The following DENND4B variants were observed in gnomAD, a reference collection of about 807,000 sequenced individuals.
DENND4B encodes the protein DENN domain-containing protein 4B.
In DENND4B, 67 loss-of-function variants were observed where a neutral mutation model predicts 161.0. That is an observed-to-expected ratio of 0.42 (90% confidence interval 0.34 to 0.51). The LOEUF (loss-of-function observed/expected upper bound fraction) is 0.51, where lower values mean the gene tolerates loss of function less well. Ranked by LOEUF, DENND4B falls within the 20% of genes least tolerant of loss-of-function variation. The pLI is 0.08. For synonymous variants in DENND4B, 753 were observed against 813.8 expected, an observed-to-expected ratio of 0.93 and a Z score of 1.27; for missense variants, 1,481 against 1,968.0, an observed-to-expected ratio of 0.75 and a Z score of 4.68.
chr1:153,941,319 G>A (rs1389092329), intron 7 of DENND4B, 30 bp from the exon 8 acceptor site: 1 of 1,613,724 alleles, frequency 6.2e-7, no homozygotes, highest in African/African-American at 1.3e-5. Context: ...ACGGCTCAGG[G>A]TAATGATGCC....
At chr1:153,941,772 C>CCGGGGGGGG in intron 6 of DENND4B, 97 bp downstream of exon 6, 1 of 1,464,444 alleles carries the variant, frequency 6.8e-7, no homozygotes, top group Non-Finnish European at 9.3e-7. Flanking sequence ...TACCCTGTGC[C>CCGGGGGGGG]CAGCCCTCCC....
rs374878240 is a variant in DENND4B, at chr1:153,944,174, G to A, written c.201C>T (p.Cys67=). Residue 67 remains cysteine (C), a synonymous_variant, in exon 2 of 28, where the codon TGC becomes TGT. Coordinates refer to ENST00000361217, the MANE Select transcript of DENND4B (RefSeq NM_014856.3). This position sits in a 1 kb window ranked among gnomAD's most constrained non-coding sequence, Gnocchi z 4.8. The part of the protein sequence containing the change: ...LGEEVPQGYT[C]IQASAGGHPL... ...GGTGGCCCCCAGCAGAAGCCTGGAT[G>A]CATGTGTAGCCCTGGGGCACTTCCT... The A allele has an allele frequency of 3.0e-5, 48 of 1,612,936 alleles. No homozygotes were observed. Among genetic ancestry groups the A allele is most frequent in the Non-Finnish European group, 3.8e-5 (45 of 1,179,542 alleles).
Position 153,930,826 on chromosome 1 carries a change from G to A in DENND4B, c.4146C>T (p.Gly1382=). ...CCAAACTAAGGGATGCAGGTACAGG[G>A]CCTGGCCATACCACCCGCTGGGGGA... The part of the protein sequence containing the change: ...SQIPQRVVWP[G]PVPASLSLAL... Residue 1382 remains glycine (G), a synonymous_variant, in exon 26 of 28, where the codon GGC becomes GGT. Transcript: ENST00000361217. This position sits in a 1 kb window ranked among gnomAD's most constrained non-coding sequence, Gnocchi z 4.7. 1 of 1,602,900 alleles carries A rather than the reference G, an allele frequency of 6.2e-7. No individual in the cohort carries two copies. Among genetic ancestry groups the A allele is most frequent in the Non-Finnish European group, 8.5e-7 (1 of 1,174,742 alleles).
Position 153,937,951 on chromosome 1 carries a change from G to A in DENND4B, c.1966-88C>T. The A allele has an allele frequency of 1.9e-6, 3 of 1,572,054 alleles. No individual in the cohort carries two copies. Among genetic ancestry groups the A allele is most frequent in the Admixed American group, 3.5e-5 (2 of 57,670 alleles). On this transcript the variant is annotated intron_variant, in intron 13 of 27. Coordinates refer to ENST00000361217, the MANE Select transcript of DENND4B (RefSeq NM_014856.3). This position sits in a 1 kb window ranked among gnomAD's most constrained non-coding sequence, Gnocchi z 4.7. Reference sequence around the variant, plus strand: ...CTAGACGATGGCATCTCCCAGGAAAGCTCATCCACAAGGAAAGAGACACAG... The same window carrying A: ...CTAGACGATGGCATCTCCCAGGAAAACTCATCCACAAGGAAAGAGACACAG...
In DENND4B at chr1:153,944,026, C is replaced by T. The variant is rs1679823289; in HGVS notation, c.317+32G>A. On this transcript the variant is annotated intron_variant, in intron 2 of 27. Transcript: ENST00000361217. This position sits in a 1 kb window ranked among gnomAD's most constrained non-coding sequence, Gnocchi z 4.8. The stretch of plus-strand genomic sequence containing the variant: ...GTCTCACTGGAGTCCCTCCCAGCCT[C>T]CCCTGGTGCCAGCATGGGTAGGGGC... 2 of 1,515,736 alleles carry T rather than the reference C, an allele frequency of 1.3e-6. No individual in the cohort carries two copies. The highest frequency in any genetic ancestry group is 1.8e-6 in the Non-Finnish European group (2 of 1,130,164). The allele number at this position is 1,515,736 out of a possible 1,614,324, so 93.9% of individuals were successfully genotyped here.
At chr1:153,935,766 G>A in intron 17 of DENND4B, 1 of 340,138 alleles carries the variant, frequency 2.9e-6, no homozygotes, top group South Asian at 2.7e-5. Context: ...CACCTCATAG[G>A]GCTGTCGTGA....
At position 153,937,737 on chromosome 1, in the gene DENND4B, T is replaced by G. The variant is rs1254016711; in HGVS notation, c.2092A>C (p.Thr698Pro). The change falls in exon 14 of 28, where the codon ACT (threonine) becomes CCT (proline). Residue 698 changes from threonine (T) to proline (P), a missense_variant. Physicochemically the swap from Thr to Pro is conservative, Grantham distance 38 (BLOSUM62 -1). Around this residue, in one of 3 missense-constraint regions of DENND4B, gnomAD observed 806 missense variants for 1,134.4 expected, o/e 0.71. Transcript: ENST00000361217. This position sits in a 1 kb window ranked among gnomAD's most constrained non-coding sequence, Gnocchi z 4.7. ...EPALPEGSES[T>P]PQYCYDGFPE... ...AGAGACTCTCACCAGTACTGGGGAG[T>G]GGATTCACTGCCCTCTGGTAAGGCA... 6.2e-7 allele frequency: 1 copy of G among 1,613,608 alleles called. No individual in the cohort carries two copies. Among genetic ancestry groups the G allele is most frequent in the African/African-American group, 1.3e-5 (1 of 74,822 alleles).
rs1286701686 is a variant in DENND4B, at chr1:153,933,087, C to G, written c.3454-57G>C. 1 of 1,610,480 alleles carries G rather than the reference C, an allele frequency of 6.2e-7. No individual in the cohort carries two copies. Among genetic ancestry groups the G allele is most frequent in the Non-Finnish European group, 8.5e-7 (1 of 1,177,586 alleles). ...TGTCTGGCCGCCAGCACTCTGGAGCCCATGCCCCTTCCCCAGCCCCTCCCA... is the reference window on the plus strand; with the variant it reads ...TGTCTGGCCGCCAGCACTCTGGAGCGCATGCCCCTTCCCCAGCCCCTCCCA... On this transcript the variant is annotated intron_variant, in intron 21 of 27. Coordinates refer to ENST00000361217, the MANE Select transcript of DENND4B (RefSeq NM_014856.3). The surrounding 1 kb of genome is among the most constrained non-coding windows in gnomAD (Gnocchi z 5.7).
In DENND4B at chr1:153,943,047, G is replaced by A. The variant is rs764179759; in HGVS notation, c.401C>T (p.Ala134Val). 5.6e-6 allele frequency: 9 copies of A among 1,613,928 alleles called. No homozygotes were observed. The highest frequency in any genetic ancestry group is 4.4e-5 in the South Asian group (4 of 91,090). The change falls in exon 3 of 28, where the codon GCC (alanine) becomes GTC (valine). Residue 134 changes from alanine to valine, a missense_variant. Physicochemically the swap from Ala to Val is moderately conservative, Grantham distance 64. Transcript: ENST00000361217. ...GCGGGGGTGCCCGGGGCCTGGAGGGGCCAGGTTTGCTGAGTGGCTGTAGGG... is the reference window on the plus strand; with the variant it reads ...GCGGGGGTGCCCGGGGCCTGGAGGGACCAGGTTTGCTGAGTGGCTGTAGGG... ...TTPYSHSANL[A>V]PPGPGHPRTY...
Position 153,932,340 on chromosome 1 carries a change from A to C in DENND4B, c.3860T>G (p.Val1287Gly), listed in dbSNP as rs1571031567. 6.2e-7 allele frequency: 1 copy of C among 1,613,824 alleles called. No homozygotes were observed. Among genetic ancestry groups the C allele is most frequent in the Non-Finnish European group, 8.5e-7 (1 of 1,179,836 alleles). ...ESLVENEGSE[V>G]LALPELPSAH... ...AGAGGGCAGTTCAGGCAACGCCAGCACCTCACTGCCCTCGTTCTCTACCAG... is the reference window on the plus strand; with the variant it reads ...AGAGGGCAGTTCAGGCAACGCCAGCCCCTCACTGCCCTCGTTCTCTACCAG... The change falls in exon 24 of 28, where the codon GTG becomes GGG. Residue 1287 changes from valine (V) to glycine (G), a missense_variant. By Grantham distance (109) the Val-to-Gly change is moderately radical (BLOSUM62 -3). This residue lies in a region of DENND4B where 336 missense variants were observed against 503.3 expected (regional missense o/e 0.67). Coordinates refer to ENST00000361217, the MANE Select transcript of DENND4B (RefSeq NM_014856.3). This position sits in a 1 kb window ranked among gnomAD's most constrained non-coding sequence, Gnocchi z 5.8.
At chr1:153,939,519 T>C in intron 12 of DENND4B, 70 bp downstream of exon 12, 1 of 1,509,220 alleles carries the variant, frequency 6.6e-7, no homozygotes, top group Non-Finnish European at 8.9e-7. Flanking sequence ...CCTCCGCCTT[T>C]CTGACAGAGC....
chr1:153,938,106 T>A (rs1404204498), intron 13 of DENND4B, among the ~76,000 whole-genome samples: 1 of 152,172 alleles, frequency 6.6e-6, no homozygotes, highest in Non-Finnish European at 1.5e-5. Context: ...GATATAGAGT[T>A]GTGTTTACAA....
chr1:153,939,681 C>T lies in DENND4B; in HGVS notation c.1727G>A (p.Cys576Tyr). Residue 576 changes from cysteine (C) to tyrosine (Y), a missense_variant, in exon 12 of 28, where the codon TGT becomes TAT. Physicochemically the swap from Cys to Tyr is radical, Grantham distance 194. Around this residue, in one of 3 missense-constraint regions of DENND4B, gnomAD observed 806 missense variants for 1,134.4 expected, o/e 0.71. Transcript: ENST00000361217. The part of the protein sequence containing the change: ...VQGAFLRFMA[C>Y]LLKGYRVFLR... ...GAAGACCCGGTAGCCCTTGAGCAGA[C>T]AGGCCATGAAGCGGAGGAAGGCTCC... is the stretch of plus-strand genomic sequence containing the variant. The T allele has an allele frequency of 6.2e-7, 1 of 1,613,964 alleles. No individual in the cohort carries two copies. The highest frequency in any genetic ancestry group is 8.5e-7 in the Non-Finnish European group (1 of 1,179,886).
At position 153,936,025 on chromosome 1, in the gene DENND4B, A is replaced by G; in HGVS notation, c.2568+35T>C. 6.2e-7 allele frequency: 1 copy of G among 1,610,556 alleles called. No individual in the cohort carries two copies. The highest frequency in any genetic ancestry group is 8.5e-7 in the Non-Finnish European group (1 of 1,178,262). On this transcript the variant is annotated intron_variant, in intron 17 of 27. Coordinates refer to ENST00000361217, the MANE Select transcript of DENND4B (RefSeq NM_014856.3). This position sits in a 1 kb window ranked among gnomAD's most constrained non-coding sequence, Gnocchi z 4.1. ...AGCCTCCCCTCACACACCCTGGCAC[A>G]GCTGCCATCCCACCCCTCACCCCAA...
Position 153,944,374 on chromosome 1 carries a change from TG to T in DENND4B, c.-1del, listed in dbSNP as rs748806371. ...AGCCGGGGGGGCCGCTCCTCCGCCA[TG>T]GCCCCCCCCTCACTCACTGCATCTG... On this transcript the variant is annotated 5_prime_UTR_variant, in exon 2 of 28. Coordinates refer to ENST00000361217, the MANE Select transcript of DENND4B (RefSeq NM_014856.3). This position sits in a 1 kb window ranked among gnomAD's most constrained non-coding sequence, Gnocchi z 4.8. 1 of 1,603,866 alleles carries T rather than the reference TG, an allele frequency of 6.2e-7. No homozygotes were observed. Among genetic ancestry groups the T allele is most frequent in the South Asian group, 1.1e-5 (1 of 89,738 alleles).
intron 6 of DENND4B, among the ~76,000 whole-genome samples, 161 bp downstream of exon 6, chr1:153,941,708 G>A (rs755671635): frequency 3.3e-5 from 5 of 151,994 alleles, no homozygotes; most frequent in African/African-American, 7.3e-5. Flanking sequence ...TCCTCAGCCC[G>A]TGGCGTTTTT....
chr1:153,931,246 TCTG>T (rs2101998234), intron 24 of DENND4B, among the ~76,000 whole-genome samples, 182 bp from the exon 25 acceptor site: 1 of 152,336 alleles, frequency 6.6e-6, no homozygotes, highest in South Asian at 2.1e-4. Flanking sequence ...TGTTTTGTAA[TCTG>T]CTACATACCT....
intron 13 of DENND4B, 150 bp from the exon 14 acceptor site, chr1:153,938,013 A>G (rs769550094): frequency 1.8e-4 from 205 of 1,115,598 alleles, no homozygotes; most frequent in South Asian, 1.5e-3. Flanking sequence ...AGGACAGTAC[A>G]TTACATGTAC....
At position 153,941,886 on chromosome 1, in the gene DENND4B, G is replaced by A. The variant is rs1276298244; in HGVS notation, c.1038C>T (p.His346=). 1.2e-6 allele frequency: 2 copies of A among 1,612,078 alleles called. No homozygotes were observed. Among genetic ancestry groups the A allele is most frequent in the Non-Finnish European group, 1.7e-6 (2 of 1,179,832 alleles). Residue 346 remains histidine, a synonymous_variant, in exon 6 of 28, where the codon CAC becomes CAT. Coordinates refer to ENST00000361217, the MANE Select transcript of DENND4B (RefSeq NM_014856.3). ...ATGCTCACGCTTCCAAGGGTAGGCG[G>A]TGGGGGCCTGAGACGGAGTAGCGGT... ...FLYRYSVSGP[H]RLPLEAHISH... is the part of the protein sequence containing the mutation.
Sources: gnomAD v4.1 joint callset for allele counts (sites outside exome capture counted in the v4.1 genomes callset) on GRCh38, gnomAD v4.1.1 for gene constraint, gnomAD v4.1.1 regional missense constraint, Gnocchi (gnomAD v3.1) non-coding constraint, MANE v1.5 for transcripts, NCBI Gene and HGNC (gene_info 2026-07-23, HGNC 2026-07-21) for gene names.